Variants in DDX19B observed in about 807,000 individuals in gnomAD.
DDX19B encodes ATP-dependent RNA helicase DDX19B.
DDX19B carries 27 observed loss-of-function variants against 58.1 expected under a neutral mutation model. The ratio of observed to expected loss-of-function variants is 0.46; its 90% CI spans 0.34 to 0.64. DDX19B has a LOEUF of 0.64. DDX19B is among the 30% of genes least tolerant of loss of function. The probability of loss-of-function intolerance (pLI) is 0.01; values close to 1 mark genes in which losing one functional copy is unlikely to be tolerated. For synonymous variants in DDX19B, 187 were observed against 214.4 expected, an observed-to-expected ratio of 0.87 and a Z score of 1.12; for missense variants, 399 against 596.5, an observed-to-expected ratio of 0.67 and a Z score of 3.45.
intron 1 of DDX19B, among the ~76,000 whole-genome samples, chr16:70,304,982 G>T (rs1188280020): frequency 6.6e-6 from 1 of 152,034 alleles, no homozygotes; most frequent in African/African-American, 2.4e-5. Flanking sequence ...TCTGTTTCAT[G>T]TGAGGCGTGT....
chr16:70,333,208 C>G (rs772306479), intron 11 of DDX19B, 49 bp downstream of exon 11: 25 of 919,216 alleles, frequency 2.7e-5, no homozygotes, highest in Non-Finnish European at 3.9e-5. Flanking sequence ...CTAAGTAGGG[C>G]GGGGTGGTGA....
chr16:70,315,889 C>T, intron 3 of DDX19B, 80 bp from the exon 4 acceptor site: 1 of 1,516,112 alleles, frequency 6.6e-7, no homozygotes, highest in Non-Finnish European at 8.9e-7. Context: ...ATTTAAAATA[C>T]AAATGGCAGT....
At chr16:70,296,303 ATT>A (rs56858222), upstream of DDX19B, among the ~76,000 whole-genome samples, 14 of 142,646 alleles carry the variant, frequency 9.8e-5, no homozygotes, top group African/African-American at 1.8e-4. Flanking sequence ...ACCTGGCCAC[ATT>A]TTTTTTTTTT....
chr16:70,326,788 G>A (rs183225688), intron 7 of DDX19B, among the ~76,000 whole-genome samples: 1 of 151,708 alleles, frequency 6.6e-6, no homozygotes, highest in Non-Finnish European at 1.5e-5. Flanking sequence ...CATCTGCCTC[G>A]GCCTCCCAAA....
chr16:70,329,683 C>A, intron 8 of DDX19B, 148 bp from the exon 9 acceptor site: 4 of 1,256,886 alleles, frequency 3.2e-6, no homozygotes, highest in Non-Finnish European at 4.4e-6. Flanking sequence ...CAACCCCTGT[C>A]CCCATCCCAG....
chr16:70,316,688 A>G (rs1243911820), intron 4 of DDX19B, among the ~76,000 whole-genome samples: 1 of 152,190 alleles, frequency 6.6e-6, no homozygotes, highest in Non-Finnish European at 1.5e-5. Flanking sequence ...ATGCTTTGGG[A>G]TATTTAGTAA....
chr16:70,294,778 A>G (rs1357727953), upstream of DDX19B: 26 of 1,286,836 alleles, frequency 2.0e-5, no homozygotes, highest in East Asian at 6.7e-4. Context: ...GCCTCAGCCA[A>G]TGAGGCTCCG....
intron 5 of DDX19B, among the ~76,000 whole-genome samples, chr16:70,321,128 A>G (rs540451032): frequency 6.7e-6 from 1 of 149,636 alleles, no homozygotes; most frequent in African/African-American, 2.5e-5. Flanking sequence ...ATGCCTGGCT[A>G]ATTTTGTATT....
At chr16:70,293,618 T>TTTTTTTC, upstream of DDX19B, among the ~76,000 whole-genome samples, 1 of 131,364 alleles carries the variant, frequency 7.6e-6, no homozygotes, top group Non-Finnish European at 1.6e-5. Flanking sequence ...TTTTTTTTTT[T>TTTTTTTC]TTTTGAGACG....
Position 70,316,001 on chromosome 16 carries a change from C to T in DDX19B, c.193C>T (p.Leu65=). Reference sequence around the variant, plus strand: ...AGCTGCCCAGTCCTTACTCAACAAGCTGATCAGAAGCAACCTTGTTGATAA... The same window carrying T: ...AGCTGCCCAGTCCTTACTCAACAAGTTGATCAGAAGCAACCTTGTTGATAA... The part of the protein sequence containing the change: ...DRAAQSLLNK[L]IRSNLVDNTN... Residue 65 remains leucine (L), a synonymous_variant, in exon 4 of 12, where the codon CTG becomes TTG. Transcript: ENST00000288071. 1 of 1,614,056 alleles carries T rather than the reference C, an allele frequency of 6.2e-7. No individual in the cohort carries two copies. The highest frequency in any genetic ancestry group is 8.5e-7 in the Non-Finnish European group (1 of 1,180,024).
intron 4 of DDX19B, chr16:70,317,248 C>T: frequency 1.2e-5 from 3 of 251,238 alleles, no homozygotes; most frequent in Non-Finnish European, 2.3e-5. Flanking sequence ...GGGCATGGTG[C>T]CATGTACCTG....
upstream of DDX19B, chr16:70,294,947 C>T (rs1489122905): frequency 1.2e-5 from 18 of 1,477,352 alleles, no homozygotes; most frequent in East Asian, 5.2e-5. Context: ...GAAGCCAGAC[C>T]CTTTCCTCCC....
rs905252894 is a variant in DDX19B, at chr16:70,334,620, G to A, written c.*1038G>A. On this transcript the variant is annotated 3_prime_UTR_variant, in exon 12 of 12. Coordinates refer to ENST00000288071, the MANE Select transcript of DDX19B (RefSeq NM_007242.7). ...AGATATTTGACATCTTGATTATAAAGGGCTTCTGAACATCTGTGTTTACTG... is the reference window on the plus strand; with the variant it reads ...AGATATTTGACATCTTGATTATAAAAGGCTTCTGAACATCTGTGTTTACTG... 2 of 152,106 alleles carry A rather than the reference G, an allele frequency of 1.3e-5. No individual in the cohort carries two copies. Among genetic ancestry groups the A allele is most frequent in the Admixed American group, 6.6e-5 (1 of 15,246 alleles). 9.4% of individuals were successfully genotyped at this position (152,106 alleles called of 1,614,324 possible).
upstream of DDX19B, among the ~76,000 whole-genome samples, chr16:70,294,529 A>T (rs1961150639): frequency 2.0e-5 from 3 of 152,252 alleles, no homozygotes; most frequent in East Asian, 3.9e-4. Context: ...ACGGGGGGAG[A>T]TGCTAATGGC....
At chr16:70,299,026 G>A (rs1458758872), upstream of DDX19B, 2 of 730,266 alleles carry the variant, frequency 2.7e-6, no homozygotes, top group East Asian at 6.9e-5. Context: ...CCAGAGCTTA[G>A]GCATTTTAAG....
At chr16:70,294,700 A>T (rs767974587), upstream of DDX19B, 8 of 524,804 alleles carry the variant, frequency 1.5e-5, no homozygotes, top group Non-Finnish European at 2.5e-5. Flanking sequence ...TTTGGCCCCC[A>T]GAGTTCCTGG....
upstream of DDX19B, among the ~76,000 whole-genome samples, chr16:70,294,328 G>A (rs193059352): frequency 4.5e-4 from 69 of 151,958 alleles, no homozygotes; most frequent in Admixed American, 1.2e-3. Flanking sequence ...TGATCCACCC[G>A]CCTCGGCCTC....
In DDX19B at chr16:70,316,988, C is replaced by T. The variant is rs958231187; in HGVS notation, c.297-508C>T. Among the ~76,000 whole-genome samples, 4 of 151,962 alleles carry T rather than the reference C, an allele frequency of 2.6e-5. No individual in the cohort carries two copies. The South Asian group carries it at 6.2e-4, about 24-fold the overall frequency. The stretch of plus-strand genomic sequence containing the variant: ...TTGGGAGGCTGAGGCAGGTAGATCA[C>T]GAGGTCCAGAGATTGAGATCATCCT... On this transcript the variant is annotated intron_variant, in intron 4 of 11. Coordinates refer to ENST00000288071, the MANE Select transcript of DDX19B (RefSeq NM_007242.7).
chr16:70,320,720 A>AT (rs969086061), intron 5 of DDX19B, among the ~76,000 whole-genome samples: 105 of 146,500 alleles, frequency 7.2e-4, no homozygotes, highest in African/African-American at 2.1e-3. Flanking sequence ...TGCCCAGCTA[A>AT]TTTTTTTTTT....
Sources: allele counts gnomAD v4.1 joint callset (sites outside exome capture counted in the v4.1 genomes callset), GRCh38; gene constraint gnomAD v4.1.1; transcripts MANE v1.5; gene names NCBI Gene and HGNC (gene_info 2026-07-23, HGNC 2026-07-21).